The following PTPN9 variants were observed in gnomAD, a reference collection of about 807,000 sequenced individuals.
PTPN9 encodes the protein protein tyrosine phosphatase non-receptor type 9, also known as tyrosine-protein phosphatase non-receptor type 9.
A neutral mutation model predicts 69.8 loss-of-function variants in PTPN9; 26 were observed. That is an observed-to-expected ratio of 0.37 (90% CI 0.27 to 0.52). PTPN9 has a LOEUF of 0.52. Ranked by LOEUF, PTPN9 falls within the 20% of genes least tolerant of loss-of-function variation. The pLI is 0.91. For synonymous variants in PTPN9, 274 were observed against 272.5 expected (o/e 1.01, Z -0.05); for missense variants, 549 against 740.3 (o/e 0.74, Z 3.00).
In PTPN9 at chr15:75,558,720, G is replaced by A. The variant is rs1180853906; in HGVS notation, c.63+19994C>T. ...GTTTTTGTATTTTTTTGGTGGAGAC[G>A]GGGTTTCGCTGTGTTGGCCGGGCTG... On this transcript the variant is annotated intron_variant, in intron 1 of 12. Transcript: ENST00000618819. Among the ~76,000 whole-genome samples the A allele has an allele frequency of 2.6e-5, 4 of 152,326 alleles. 1 individual carries two copies. The South Asian group carries it at 8.3e-4, about 32-fold the overall frequency.
At chr15:75,562,757 C>G (rs1004889272) in intron 1 of PTPN9, among the ~76,000 whole-genome samples, 1 of 126,770 alleles carries the variant, frequency 7.9e-6, no homozygotes, top group African/African-American at 3.0e-5. Flanking sequence ...GCGTGAACTG[C>G]ACTCCAGCCT....
intron 8 of PTPN9, chr15:75,487,161 C>T (rs1021229231): frequency 6.6e-6 from 1 of 151,752 alleles, no homozygotes; most frequent in Non-Finnish European, 1.5e-5. Flanking sequence ...TATTGTATAC[C>T]ATAAATATAT....
intron 7 of PTPN9, among the ~76,000 whole-genome samples, chr15:75,495,847 A>C (rs565460264): frequency 6.6e-6 from 1 of 152,302 alleles, no homozygotes; most frequent in African/African-American, 2.4e-5. Context: ...TGAATTGATA[A>C]GATCATTAGG....
chr15:75,493,632 C>A (rs545002134), intron 7 of PTPN9, among the ~76,000 whole-genome samples: 2 of 152,060 alleles, frequency 1.3e-5, no homozygotes, highest in East Asian at 3.9e-4. Context: ...TGGTGGCACA[C>A]GCTTTGTAGT....
rs8032044 is a variant in PTPN9, at chr15:75,548,875, G to A, written c.64-21614C>T. ...TCACCGTGTTAGCCAGAATGGTCTC[G>A]ATCTCCTGACCTTGTGATCCGCCCG... is the stretch of plus-strand genomic sequence containing the variant. On this transcript the variant is annotated intron_variant, in intron 1 of 12. Coordinates refer to ENST00000618819, the MANE Select transcript of PTPN9 (RefSeq NM_002833.4). Among the ~76,000 whole-genome samples the A allele has an allele frequency of 6.4e-3, 964 of 151,680 alleles. 11 individuals are homozygous for A. The highest frequency in any genetic ancestry group is 0.022 in the African/African-American group (922 of 41,356).
chr15:75,469,724 G>A (rs1232830051), intron 12 of PTPN9, 68 bp downstream of exon 12: 1 of 1,526,828 alleles, frequency 6.5e-7, no homozygotes, highest in Non-Finnish European at 9.1e-7. Context: ...TGTGGGCTAA[G>A]AGCTTTGTTT....
chr15:75,514,169 C>CTT (rs923109510), intron 5 of PTPN9, among the ~76,000 whole-genome samples: 1 of 141,866 alleles, frequency 7.0e-6, no homozygotes, highest in Non-Finnish European at 1.5e-5. Flanking sequence ...TACAATTCCT[C>CTT]TTTTTTTTTT....
At chr15:75,528,523 T>C (rs778427490) in intron 1 of PTPN9, among the ~76,000 whole-genome samples, 3 of 151,462 alleles carry the variant, frequency 2.0e-5, no homozygotes, top group Non-Finnish European at 2.9e-5. Context: ...GCTGGGACTA[T>C]AGGCATGGCA....
chr15:75,510,726 C>T (rs1419865663), intron 5 of PTPN9, among the ~76,000 whole-genome samples: 1 of 151,250 alleles, frequency 6.6e-6, no homozygotes, highest in Non-Finnish European at 1.5e-5. Context: ...AAAATATACA[C>T]AACAAAATTG....
intron 7 of PTPN9, among the ~76,000 whole-genome samples, chr15:75,502,944 G>A (rs1424837477): frequency 6.6e-6 from 1 of 152,232 alleles, no homozygotes; most frequent in East Asian, 1.9e-4. Flanking sequence ...AGCACCCAAT[G>A]GTGCCCAGGC....
At chr15:75,532,425 C>A (rs1347323127) in intron 1 of PTPN9, among the ~76,000 whole-genome samples, 1 of 151,996 alleles carries the variant, frequency 6.6e-6, no homozygotes, top group Admixed American at 6.6e-5. Context: ...GATAACTTTT[C>A]ATTTTTCATA....
At chr15:75,495,363 C>T (rs1278124032) in intron 7 of PTPN9, among the ~76,000 whole-genome samples, 1 of 152,088 alleles carries the variant, frequency 6.6e-6, no homozygotes, top group Non-Finnish European at 1.5e-5. Context: ...CTGATACATT[C>T]AATCACTTGG....
intron 4 of PTPN9, among the ~76,000 whole-genome samples, chr15:75,520,793 G>A (rs1437710846): frequency 8.6e-5 from 13 of 151,896 alleles, no homozygotes; most frequent in Non-Finnish European, 1.8e-4. Flanking sequence ...GGGACTACAC[G>A]CGTGAGCCAC....
rs76406781 is a variant in PTPN9 at position 75,554,524 on chromosome 15, C to T, written c.63+24190G>A. Reference sequence around the variant, plus strand: ...AATTTTTTTGTAGAGGCAGGGTCTCCCCATGTTGCCCAGGCTGGTCTCAAA... The same window carrying T: ...AATTTTTTTGTAGAGGCAGGGTCTCTCCATGTTGCCCAGGCTGGTCTCAAA... On this transcript the variant is annotated intron_variant, in intron 1 of 12. Transcript: ENST00000618819. 8.4e-3 allele frequency among the ~76,000 whole-genome samples: 1,269 copies of T among 151,782 alleles called. 33 individuals are homozygous for T. In the East Asian group the frequency reaches 0.1, roughly 12 times the overall value.
intron 1 of PTPN9, among the ~76,000 whole-genome samples, chr15:75,572,408 C>G (rs2075152050): frequency 2.0e-5 from 3 of 152,004 alleles, no homozygotes. Context: ...AACTGCCAGC[C>G]CATTAAGAAA....
intron 8 of PTPN9, among the ~76,000 whole-genome samples, chr15:75,483,577 G>C (rs2074656843): frequency 1.3e-5 from 2 of 152,210 alleles, no homozygotes; most frequent in Admixed American, 1.3e-4. Context: ...TGCCAAGGGT[G>C]TGAGGTTTCT....
intron 5 of PTPN9, among the ~76,000 whole-genome samples, chr15:75,515,883 G>C (rs986179849): frequency 1.3e-5 from 2 of 151,656 alleles, no homozygotes; most frequent in Non-Finnish European, 2.9e-5. Flanking sequence ...GGCGACAAGA[G>C]CAAGACTCCA....
intron 1 of PTPN9, among the ~76,000 whole-genome samples, chr15:75,534,696 G>C (rs1007038114): frequency 1.4e-5 from 2 of 147,302 alleles, no homozygotes; most frequent in Non-Finnish European, 3.0e-5. Flanking sequence ...AAAAAGGCCA[G>C]GTGCAATGGT....
intron 1 of PTPN9, among the ~76,000 whole-genome samples, chr15:75,527,757 G>A (rs961763832): frequency 2.0e-5 from 3 of 151,872 alleles, no homozygotes; most frequent in Non-Finnish European, 4.4e-5. Flanking sequence ...TTGGGAGGCT[G>A]AGGTAGGAGA....
Sources: allele counts gnomAD v4.1 joint callset (sites outside exome capture counted in the v4.1 genomes callset), GRCh38; gene constraint gnomAD v4.1.1; transcripts MANE v1.5; gene names NCBI Gene and HGNC (gene_info 2026-07-23, HGNC 2026-07-21).